SEC24D: variants seen among roughly 807,000 people sequenced by gnomAD.
SEC24D encodes the protein protein transport protein Sec24D.
SEC24D carries 69 observed loss-of-function variants against 116.9 expected under a neutral mutation model. That is an observed-to-expected ratio of 0.59 (90% CI 0.49 to 0.72). The LOEUF (loss-of-function observed/expected upper bound fraction) is 0.72, where lower values mean the gene tolerates loss of function less well. Among genes scored for constraint, SEC24D ranks in the 30% least tolerant of loss-of-function variants. The pLI is 0.00. For synonymous variants in SEC24D, 405 were observed against 442.8 expected (o/e 0.91, Z 1.07); for missense variants, 1,131 against 1,264.1 (o/e 0.89, Z 1.60).
Position 118,752,753 on chromosome 4 carries a change from A to G in SEC24D, c.1557T>C (p.Val519=). ...MVVTDVGEVF[V]PLLDGFLVNY... The stretch of plus-strand genomic sequence containing the variant: ...TGACAAGGAAACCATCCAACAAAGG[A>G]ACAAAGACTTCTCCAACATCAGTCA... The change falls in exon 12 of 23, where the codon GTT becomes GTC. Residue 519 remains valine (V), a synonymous_variant. Transcript: ENST00000280551. 1 of 1,612,108 alleles carries G rather than the reference A, an allele frequency of 6.2e-7. No homozygotes were observed. The highest frequency in any genetic ancestry group is 8.5e-7 in the Non-Finnish European group (1 of 1,179,306).
intron 8 of SEC24D, among the ~76,000 whole-genome samples, chr4:118,790,680 T>C (rs542895786): frequency 6.6e-6 from 1 of 152,044 alleles, no homozygotes; most frequent in East Asian, 1.9e-4. Context: ...AAAGCAAATA[T>C]TCCTAAGGAA....
In SEC24D at chr4:118,744,309, T is replaced by C; in HGVS notation, c.1825-151A>G. ...TGAACTGGGCTGAAGAAACACACTGTGGTCATCATCAGTGCAGTGGCCACC... is the reference window on the plus strand; with the variant it reads ...TGAACTGGGCTGAAGAAACACACTGCGGTCATCATCAGTGCAGTGGCCACC... On this transcript the variant is annotated intron_variant, in intron 14 of 22. Coordinates refer to ENST00000280551, the MANE Select transcript of SEC24D (RefSeq NM_014822.4). The C allele has an allele frequency of 5.0e-6, 4 of 796,466 alleles. No homozygotes were observed. In the South Asian group the frequency reaches 8.0e-5, roughly 16 times the overall value. 49.3% of individuals were successfully genotyped at this position (796,466 alleles called of 1,614,324 possible).
At chr4:118,833,073 T>C (rs1391903974) in intron 2 of SEC24D, among the ~76,000 whole-genome samples, 4 of 152,228 alleles carry the variant, frequency 2.6e-5, no homozygotes, top group Admixed American at 2.6e-4. Context: ...CTGCACTATA[T>C]ACATTCTACC....
At chr4:118,779,312 AG>A (rs1728290899) in intron 8 of SEC24D, among the ~76,000 whole-genome samples, 2 of 152,188 alleles carry the variant, frequency 1.3e-5, no homozygotes, top group Non-Finnish European at 2.9e-5. Flanking sequence ...TTTAGCATGA[AG>A]GGTTGTTGAA....
At chr4:118,727,304 G>T (rs762948689) in intron 22 of SEC24D, among the ~76,000 whole-genome samples, 2 of 152,066 alleles carry the variant, frequency 1.3e-5, no homozygotes, top group Non-Finnish European at 2.9e-5. Flanking sequence ...TATCACACAG[G>T]TGCTTAATAT....
intron 8 of SEC24D, among the ~76,000 whole-genome samples, chr4:118,788,291 A>C (rs1357126549): frequency 1.3e-5 from 2 of 152,274 alleles, no homozygotes; most frequent in Admixed American, 6.5e-5. Flanking sequence ...CTGGAAAAGT[A>C]AGACAGACAC....
chr4:118,768,958 A>G lies in SEC24D; in HGVS notation c.1042-647T>C, dbSNP rs536627217. Among the ~76,000 whole-genome samples, 10 of 152,362 alleles carry G rather than the reference A, an allele frequency of 6.6e-5. No individual in the cohort carries two copies. The South Asian group carries it at 2.1e-3, about 32-fold the overall frequency. ...TATACTTACGTTAAAAACATTCTAG[A>G]CAACTTGTGTCACCTATTTTGCTAA... is the stretch of plus-strand genomic sequence containing the variant. On this transcript the variant is annotated intron_variant, in intron 8 of 22. Transcript: ENST00000280551.
chr4:118,738,703 C>A (rs921781186), intron 18 of SEC24D, among the ~76,000 whole-genome samples: 12 of 152,174 alleles, frequency 7.9e-5, no homozygotes, highest in African/African-American at 2.4e-4. Flanking sequence ...TGGATTGCTA[C>A]CTTTTCCAAA....
chr4:118,750,217 A>G (rs1258662230), intron 13 of SEC24D, among the ~76,000 whole-genome samples: 1 of 152,230 alleles, frequency 6.6e-6, no homozygotes, highest in African/African-American at 2.4e-5. Flanking sequence ...CTTGGAGAAC[A>G]TGGCTATTAA....
chr4:118,797,812 T>A lies in SEC24D; in HGVS notation c.914-2A>T. The A allele has an allele frequency of 6.3e-7, 1 of 1,590,262 alleles. No individual in the cohort carries two copies. The highest frequency in any genetic ancestry group is 1.1e-5 in the South Asian group (1 of 87,422). On this transcript the variant is annotated splice_acceptor_variant, in intron 7 of 22. Transcript: ENST00000280551. LOFTEE classifies it high-confidence loss of function. Reference sequence around the variant, plus strand: ...GGATGAATCGAGGACTGGCATTTCCTGAAACATTCAAAAGGATACACTTAA... The same window carrying A: ...GGATGAATCGAGGACTGGCATTTCCAGAAACATTCAAAAGGATACACTTAA...
chr4:118,806,296 T>C (rs1729674009), intron 6 of SEC24D, among the ~76,000 whole-genome samples: 2 of 152,176 alleles, frequency 1.3e-5, no homozygotes, highest in African/African-American at 2.4e-5. Context: ...ATTTGTTTAT[T>C]AGAACATAGG....
chr4:118,809,013 G>A (rs1001008321), intron 6 of SEC24D, among the ~76,000 whole-genome samples: 11 of 150,872 alleles, frequency 7.3e-5, no homozygotes, highest in South Asian at 2.1e-4. Context: ...TTGCTCTGTC[G>A]CCCAGGCTGG....
intron 18 of SEC24D, among the ~76,000 whole-genome samples, chr4:118,738,779 G>C (rs1004524886): frequency 1.3e-5 from 2 of 152,130 alleles, no homozygotes. Flanking sequence ...CTATTTCATA[G>C]TTATCATGGT....
At chr4:118,834,821 C>T (rs1308034631) in intron 1 of SEC24D, among the ~76,000 whole-genome samples, 1 of 152,138 alleles carries the variant, frequency 6.6e-6, no homozygotes, top group East Asian at 1.9e-4. Flanking sequence ...TTATTTGCTA[C>T]AATTTAAGAT....
In SEC24D at chr4:118,833,712, C is replaced by G. The variant is rs1308602295; in HGVS notation, c.-16G>C. 13 of 1,551,070 alleles carry G rather than the reference C, an allele frequency of 8.4e-6. No homozygotes were observed. Among genetic ancestry groups the G allele is most frequent in the Non-Finnish European group, 1.2e-5 (13 of 1,128,062 alleles). On this transcript the variant is annotated 5_prime_UTR_variant, in exon 2 of 23. Coordinates refer to ENST00000280551, the MANE Select transcript of SEC24D (RefSeq NM_014822.4). ...GTTGACTCATTATGAAAATATCATT[C>G]CATAGGATAATTCTACAAAAGAAGT...
chr4:118,740,706 T>C lies in SEC24D; in HGVS notation c.2195A>G (p.Lys732Arg). The change falls in exon 17 of 23, where the codon AAG (lysine) becomes AGG (arginine). Residue 732 changes from lysine to arginine, a missense_variant. Coordinates refer to ENST00000280551, the MANE Select transcript of SEC24D (RefSeq NM_014822.4). ...GTCTTCACTGAGTTTGTCATCGTGC[T>C]TGAACTCCACGGTCACTGCCTTGTC... ...DCDKAVTVEF[K>R]HDDKLSEDSG... 6.2e-7 allele frequency: 1 copy of C among 1,613,952 alleles called. No individual in the cohort carries two copies. The highest frequency in any genetic ancestry group is 8.5e-7 in the Non-Finnish European group (1 of 1,179,858).
chr4:118,815,536 G>A lies in SEC24D; in HGVS notation c.588C>T (p.Leu196=), dbSNP rs769024153. 3.1e-6 allele frequency: 5 copies of A among 1,614,064 alleles called. No individual in the cohort carries two copies. The highest frequency in any genetic ancestry group is 4.2e-6 in the Non-Finnish European group (5 of 1,180,016). The part of the protein sequence containing the change: ...LPLPMYRPDG[L]SGPPPPNAQY... ...GGGCATTTGGAGGAGGAGGCCCAGA[G>A]AGCCCATCTGGTCTGTACATTGGTA... Residue 196 remains leucine (L), a synonymous_variant, in exon 5 of 23, where the codon CTC becomes CTT. Transcript: ENST00000280551.
In SEC24D at chr4:118,740,768, G is replaced by T. The variant is rs78046178; in HGVS notation, c.2133C>A (p.Asn711Lys). Residue 711 changes from asparagine (N) to lysine (K), a missense_variant, in exon 17 of 23, where the codon AAC becomes AAA. Coordinates refer to ENST00000280551, the MANE Select transcript of SEC24D (RefSeq NM_014822.4). The part of the protein sequence containing the change: ...ATDFFGGILM[N>K]NTTDVEMAAI... Reference sequence around the variant, plus strand: ...CAGCCATTTCTACATCGGTGGTGTTGTTCATCAAGATTCCACCAAAGAAAT... The same window carrying T: ...CAGCCATTTCTACATCGGTGGTGTTTTTCATCAAGATTCCACCAAAGAAAT... The T allele has an allele frequency of 3.1e-6, 5 of 1,613,762 alleles. No homozygotes were observed. Among genetic ancestry groups the T allele is most frequent in the Non-Finnish European group, 4.2e-6 (5 of 1,179,866 alleles).
intron 13 of SEC24D, among the ~76,000 whole-genome samples, chr4:118,749,112 A>G (rs1330302565): frequency 6.6e-6 from 1 of 152,126 alleles, no homozygotes; most frequent in Non-Finnish European, 1.5e-5. Flanking sequence ...TTAAAAGACA[A>G]TACCAGCAAT....
Sources: allele counts gnomAD v4.1 joint callset (sites outside exome capture counted in the v4.1 genomes callset), GRCh38; gene constraint gnomAD v4.1.1; transcripts MANE v1.5; gene names NCBI Gene and HGNC (gene_info 2026-07-23, HGNC 2026-07-21).